ZMAT4: variants seen among roughly 807,000 people sequenced by gnomAD.
The protein encoded by ZMAT4 is zinc finger matrin-type 4.
Under a neutral mutation model 28.7 loss-of-function variants are expected in ZMAT4, and 17 were observed. The observed-to-expected ratio is 0.59, with a 90% confidence interval of 0.41 to 0.89. ZMAT4 has a LOEUF of 0.89. Among genes scored for constraint, ZMAT4 ranks in the 40% least tolerant of loss-of-function variants. The pLI is 0.00. For missense variants in ZMAT4, 240 were observed against 283.8 expected, an observed-to-expected ratio of 0.85 and a Z score of 1.11; for synonymous variants, 117 against 109.2, an observed-to-expected ratio of 1.07 and a Z score of -0.44.
At chr8:40,799,137 A>T (rs1457091626) in intron 2 of ZMAT4, among the ~76,000 whole-genome samples, 1 of 94,300 alleles carries the variant, frequency 1.1e-5, no homozygotes, top group African/African-American at 4.0e-5. Flanking sequence ...AGAGAAGGAT[A>T]GATGGCTGGC....
chr8:40,767,485 C>T (rs1813210716), intron 3 of ZMAT4, among the ~76,000 whole-genome samples, 156 bp downstream of exon 3: 3 of 152,096 alleles, frequency 2.0e-5, no homozygotes, highest in South Asian at 2.1e-4. Flanking sequence ...AAAAAAACCT[C>T]GATATATATC....
intron 2 of ZMAT4, among the ~76,000 whole-genome samples, chr8:40,810,607 G>A (rs528396207): frequency 7.2e-4 from 109 of 152,246 alleles, no homozygotes; most frequent in African/African-American, 2.5e-3. Flanking sequence ...TATGAAAAAT[G>A]GAAGTGTCAG....
chr8:40,801,475 G>A (rs762119097), intron 2 of ZMAT4, among the ~76,000 whole-genome samples: 22 of 150,680 alleles, frequency 1.5e-4, no homozygotes, highest in African/African-American at 3.9e-4. Context: ...CGAGTCAAGC[G>A]TGGCCAACAT....
At chr8:40,555,964 A>C (rs1803520366) in intron 6 of ZMAT4, among the ~76,000 whole-genome samples, 1 of 152,104 alleles carries the variant, frequency 6.6e-6, no homozygotes, top group African/African-American at 2.4e-5. Context: ...TGGTATTTGG[A>C]CTTTATCTTA....
At chr8:40,765,098 C>A (rs536253493) in intron 3 of ZMAT4, among the ~76,000 whole-genome samples, 27 of 152,264 alleles carry the variant, frequency 1.8e-4, no homozygotes, top group African/African-American at 6.3e-4. Flanking sequence ...TCCCAAAGTT[C>A]CGGGTTTACA....
intron 2 of ZMAT4, among the ~76,000 whole-genome samples, chr8:40,820,753 GTGCATATGCA>G (rs1815751707): frequency 3.7e-3 from 1 of 272 alleles, no homozygotes; most frequent in Non-Finnish European, 7.5e-3. Context: ...GTGTGCATTT[GTGCATATGCA>G]TGTGTATATG....
chr8:40,692,209 T>C (rs1268501624), intron 4 of ZMAT4, among the ~76,000 whole-genome samples: 1 of 152,162 alleles, frequency 6.6e-6, no homozygotes, highest in Non-Finnish European at 1.5e-5. Context: ...TCAGAATGGT[T>C]CTCTATCCAT....
intron 3 of ZMAT4, among the ~76,000 whole-genome samples, chr8:40,713,740 G>A (rs932945152): frequency 1.6e-4 from 24 of 151,158 alleles, no homozygotes; most frequent in African/African-American, 2.9e-4. Context: ...GAAACCCGGC[G>A]TCTACTAAAA....
At position 40,767,634 on chromosome 8, in the gene ZMAT4, T is replaced by C; in HGVS notation, c.192+7A>G. On this transcript the variant is annotated splice_region_variant and intron_variant, in intron 3 of 6. Coordinates refer to ENST00000297737, the MANE Select transcript of ZMAT4 (RefSeq NM_024645.3). ...TCTGAGGATATCACGTGGTACCAGA[T>C]ACTCACATTTTCTGACCGGAGCCTC... The C allele has an allele frequency of 1.9e-6, 3 of 1,610,546 alleles. No individual in the cohort carries two copies. Among genetic ancestry groups the C allele is most frequent in the Non-Finnish European group, 2.5e-6 (3 of 1,178,226 alleles).
At chr8:40,679,226 A>G (rs1000130292) in intron 4 of ZMAT4, among the ~76,000 whole-genome samples, 1 of 152,178 alleles carries the variant, frequency 6.6e-6, no homozygotes, top group African/African-American at 2.4e-5. Flanking sequence ...CACCTGTTGG[A>G]TATGTTGTCT....
intron 5 of ZMAT4, among the ~76,000 whole-genome samples, chr8:40,630,315 T>C (rs1412463088): frequency 6.6e-6 from 1 of 152,154 alleles, no homozygotes; most frequent in Non-Finnish European, 1.5e-5. Context: ...CTCACCTTCA[T>C]TGGAAACACA....
intron 3 of ZMAT4, among the ~76,000 whole-genome samples, chr8:40,722,492 G>T (rs1055023819): frequency 6.6e-6 from 1 of 152,114 alleles, no homozygotes; most frequent in Non-Finnish European, 1.5e-5. Context: ...GCTTTATTAT[G>T]CTTGTAATGA....
chr8:40,736,334 T>C (rs1326792254), intron 3 of ZMAT4, among the ~76,000 whole-genome samples: 1 of 152,190 alleles, frequency 6.6e-6, no homozygotes, highest in Non-Finnish European at 1.5e-5. Context: ...ATTATACCAA[T>C]ATCAAGGAAC....
chr8:40,704,076 G>C (rs1810254714), intron 3 of ZMAT4, among the ~76,000 whole-genome samples: 1 of 152,204 alleles, frequency 6.6e-6, no homozygotes, highest in Non-Finnish European at 1.5e-5. Flanking sequence ...GAAGGCAACA[G>C]TCATCTGATA....
chr8:40,871,487 AC>A (rs1470808420), intron 1 of ZMAT4, among the ~76,000 whole-genome samples: 1 of 152,360 alleles, frequency 6.6e-6, no homozygotes, highest in East Asian at 1.9e-4. Flanking sequence ...ATCCAGAAAT[AC>A]CAAAAGCATA....
At chr8:40,820,363 TG>T (rs1815715230) in intron 2 of ZMAT4, among the ~76,000 whole-genome samples, 1 of 150,036 alleles carries the variant, frequency 6.7e-6, no homozygotes, top group Non-Finnish European at 1.5e-5. Flanking sequence ...TGTTTGTGTG[TG>T]TCTACGTGTG....
intron 2 of ZMAT4, among the ~76,000 whole-genome samples, chr8:40,793,881 C>G (rs1814469355): frequency 6.6e-6 from 1 of 152,154 alleles, no homozygotes; most frequent in South Asian, 2.1e-4. Flanking sequence ...TTAGTAGAAG[C>G]ACATATTTGT....
chr8:40,754,876 T>C (rs1812611637), intron 3 of ZMAT4, among the ~76,000 whole-genome samples: 1 of 152,136 alleles, frequency 6.6e-6, no homozygotes, highest in Non-Finnish European at 1.5e-5. Context: ...ATTTAAAAAT[T>C]AGCTGGTTGC....
chr8:40,563,920 C>T (rs906481984), intron 6 of ZMAT4, among the ~76,000 whole-genome samples: 1 of 152,076 alleles, frequency 6.6e-6, no homozygotes, highest in Non-Finnish European at 1.5e-5. Context: ...CCTTGCTCCC[C>T]ATGGCAGGTC....
Sources: gnomAD v4.1 joint callset for allele counts (sites outside exome capture counted in the v4.1 genomes callset) on GRCh38, gnomAD v4.1.1 for gene constraint, MANE v1.5 for transcripts, NCBI Gene and HGNC (gene_info 2026-07-23, HGNC 2026-07-21) for gene names.